The following ZSCAN29 variants were observed in gnomAD, a reference collection of about 807,000 sequenced individuals.
ZSCAN29 encodes zinc finger and SCAN domain containing 29.
Under a neutral mutation model 71.9 loss-of-function variants are expected in ZSCAN29, and 55 were observed. The observed-to-expected ratio is 0.76, with a 90% CI of 0.62 to 0.96. ZSCAN29 has a LOEUF of 0.96. Among genes scored for constraint, ZSCAN29 ranks in the 40% least tolerant of loss-of-function variants. ZSCAN29 has a pLI of 0.00. For synonymous variants in ZSCAN29, 351 were observed against 371.6 expected (o/e 0.94, Z 0.64); for missense variants, 1,042 against 1,042.2 (o/e 1.00, Z 0.00).
In ZSCAN29 at chr15:43,370,937, C is replaced by G. The variant is rs2044100989; in HGVS notation, c.-492G>C. The G allele has an allele frequency of 1.3e-5, 3 of 228,864 alleles. No homozygotes were observed. The South Asian group carries it at 1.7e-4, about 13-fold the overall frequency. The allele number at this position is 228,864 out of a possible 1,614,324, so 14.2% of individuals were successfully genotyped here. On this transcript the variant is annotated 5_prime_UTR_variant, in exon 1 of 6. Transcript: ENST00000684362. The stretch of plus-strand genomic sequence containing the variant: ...GCCCCTCAACCCCCTCGCATCCTTG[C>G]CTCCGGGCCAGCCTCACCCACTCGG...
rs1399054437 is a variant in ZSCAN29, at chr15:43,369,884, A to G, written c.30T>C (p.Asn10=). 1 of 1,609,502 alleles carries G rather than the reference A, an allele frequency of 6.2e-7. No individual in the cohort carries two copies. The highest frequency in any genetic ancestry group is 1.3e-5 in the African/African-American group (1 of 74,922). The change falls in exon 2 of 6, where the codon AAT becomes AAC. Residue 10 remains asparagine, a synonymous_variant. Coordinates refer to ENST00000684362, the MANE Select transcript of ZSCAN29 (RefSeq NM_001372080.1). ...GTCGGAAGGTCTCAGAGTTAGTGCC[A>G]TTCTCTCTTAGAGCTGATTTGGCCA... The part of the protein sequence containing the change: MMAKSALRE[N]GTNSETFRQR...
chr15:43,365,488 G>A (rs1327195150), intron 4 of ZSCAN29, among the ~76,000 whole-genome samples: 1 of 152,198 alleles, frequency 6.6e-6, no homozygotes, highest in Non-Finnish European at 1.5e-5. Context: ...CCAGCTCAGT[G>A]TGGTGGCTCA....
At position 43,358,462 on chromosome 15, in the gene ZSCAN29, C is replaced by T. The variant is rs2043953206; in HGVS notation, c.*2611G>A. 6.6e-6 allele frequency: 1 copy of T among 152,060 alleles called. No homozygotes were observed. The highest frequency in any genetic ancestry group is 2.1e-4 in the South Asian group (1 of 4,818). The allele number at this position is 152,060 out of a possible 1,614,324, so 9.4% of individuals were successfully genotyped here. On this transcript the variant is annotated 3_prime_UTR_variant, in exon 6 of 6. Transcript: ENST00000684362. ...TCTTGTAGCTTCCTGTCTGCTTAGG[C>T]AACATAACAGAAGTACCATCTTCCC...
At position 43,363,964 on chromosome 15, in the gene ZSCAN29, G is replaced by C. The variant is rs151260867; in HGVS notation, c.1641C>G (p.Pro547=). The change falls in exon 5 of 6, where the codon CCC becomes CCG. Residue 547 remains proline (P), a synonymous_variant. Coordinates refer to ENST00000684362, the MANE Select transcript of ZSCAN29 (RefSeq NM_001372080.1). ...SDDDEEDTEI[P]PGAVITRAPV... ...GAGCACGGGTTATGACAGCCCCTGG[G>C]GGTATCTCAGTATCCTCTTCATCAT... is the stretch of plus-strand genomic sequence containing the variant. The C allele has an allele frequency of 1.2e-6, 2 of 1,613,822 alleles. No homozygotes were observed. Among genetic ancestry groups the C allele is most frequent in the Non-Finnish European group, 1.7e-6 (2 of 1,179,892 alleles).
intron 1 of ZSCAN29, 135 bp downstream of exon 1, chr15:43,370,423 G>C (rs1288669962): frequency 6.5e-6 from 1 of 152,860 alleles, no homozygotes; most frequent in Non-Finnish European, 1.5e-5. Context: ...TCCTTCCCGA[G>C]GCCTTCTGCG....
intron 4 of ZSCAN29, among the ~76,000 whole-genome samples, chr15:43,364,925 CAAT>C (rs1454673450): frequency 7.7e-6 from 1 of 130,106 alleles, no homozygotes; most frequent in African/African-American, 2.9e-5. Context: ...AGTGAAAGAA[CAAT>C]GATAATGAAA....
chr15:43,369,245 G>C lies in ZSCAN29; in HGVS notation c.319-118C>G, dbSNP rs2044071149. 4 of 1,061,058 alleles carry C rather than the reference G, an allele frequency of 3.8e-6. No homozygotes were observed. In the African/African-American group the frequency reaches 4.8e-5, roughly 13 times the overall value. The allele number at this position is 1,061,058 out of a possible 1,614,324, so 65.7% of individuals were successfully genotyped here. ...CAGAGCCATGGCCAGGGTTGTAGGGGTGAGGGAGGTTAACGCGAACAAGGG... is the reference window on the plus strand; with the variant it reads ...CAGAGCCATGGCCAGGGTTGTAGGGCTGAGGGAGGTTAACGCGAACAAGGG... On this transcript the variant is annotated intron_variant, in intron 2 of 5. Coordinates refer to ENST00000684362, the MANE Select transcript of ZSCAN29 (RefSeq NM_001372080.1).
chr15:43,362,013 G>GA lies in ZSCAN29; in HGVS notation c.1691-73dup, dbSNP rs563747243. On this transcript the variant is annotated intron_variant, in intron 5 of 5. Coordinates refer to ENST00000684362, the MANE Select transcript of ZSCAN29 (RefSeq NM_001372080.1). The stretch of plus-strand genomic sequence containing the variant: ...TGTGCCACAGGAATGTAAAACTTGG[G>GA]AAAAACAAGCATTACACCACATGAT... The GA allele has an allele frequency of 2.8e-5, 42 of 1,480,868 alleles. No homozygotes were observed. In the Admixed American group the frequency reaches 8.6e-4, roughly 30 times the overall value. The allele number at this position is 1,480,868 out of a possible 1,614,324, so 91.7% of individuals were successfully genotyped here.
chr15:43,370,966 C>G lies in ZSCAN29; in HGVS notation c.-521G>C. ...CGGGCCAGCCTCACCCACTCGGGGTCCGACCCTGACCCCGGCCCCGGCCCC... is the reference window on the plus strand; with the variant it reads ...CGGGCCAGCCTCACCCACTCGGGGTGCGACCCTGACCCCGGCCCCGGCCCC... On this transcript the variant is annotated 5_prime_UTR_variant, in exon 1 of 6. Transcript: ENST00000684362. The G allele has an allele frequency of 3.5e-6, 1 of 285,060 alleles. No homozygotes were observed. Among genetic ancestry groups the G allele is most frequent in the Non-Finnish European group, 6.4e-6 (1 of 155,308 alleles). The allele number at this position is 285,060 out of a possible 1,614,324, so 17.7% of individuals were successfully genotyped here. A position where few individuals can be genotyped will look rare whatever the true frequency, so the allele number is the denominator to read the frequency against.
rs751448544 is a variant in ZSCAN29, at chr15:43,361,320, A to G, written c.2312T>C (p.Phe771Ser). 1 of 1,614,074 alleles carries G rather than the reference A, an allele frequency of 6.2e-7. No homozygotes were observed. Among genetic ancestry groups the G allele is most frequent in the South Asian group, 1.1e-5 (1 of 91,068 alleles). ...TGCACTAAAATGAGAACTGTTATTG[A>G]AGCTTTTTCCACACTCTTCACATTG... ...PYQCEECGKSFNNSSHFSAHR... is the reference protein window; with the variant it reads ...PYQCEECGKSSNNSSHFSAHR... The change falls in exon 6 of 6, where the codon TTC becomes TCC. Residue 771 changes from phenylalanine to serine, a missense_variant. Coordinates refer to ENST00000684362, the MANE Select transcript of ZSCAN29 (RefSeq NM_001372080.1).
Position 43,369,783 on chromosome 15 carries a change from C to CA in ZSCAN29, c.130dup (p.Cys44LeufsTer61). ...GCGCACCTCCGGCCTTAGCCACCGA[C>CA]AGCAAAGTTCCCAGAGTTGGCTGAA... On this transcript the variant is annotated frameshift_variant, in exon 2 of 6. Transcript: ENST00000684362. LOFTEE classifies it high-confidence loss of function. The CA allele has an allele frequency of 6.2e-7, 1 of 1,614,280 alleles. No homozygotes were observed. Among genetic ancestry groups the CA allele is most frequent in the South Asian group, 1.1e-5 (1 of 91,090 alleles).
Position 43,361,496 on chromosome 15 carries a change from T to C in ZSCAN29, c.2136A>G (p.Gly712=). The C allele has an allele frequency of 6.2e-7, 1 of 1,614,096 alleles. No homozygotes were observed. Among genetic ancestry groups the C allele is most frequent in the Non-Finnish European group, 8.5e-7 (1 of 1,179,996 alleles). Residue 712 remains glycine (G), a synonymous_variant, in exon 6 of 6, where the codon GGA becomes GGG. Coordinates refer to ENST00000684362, the MANE Select transcript of ZSCAN29 (RefSeq NM_001372080.1). The part of the protein sequence containing the change: ...GEKPYKCLDC[G]KSFRDSSNFI... The stretch of plus-strand genomic sequence containing the variant: ...AATTTGAACTGTCACGGAAACTTTT[T>C]CCACAGTCAAGACATTTATAAGGTT...
Position 43,370,969 on chromosome 15 carries a change from A to ACCCCGGCCCCGGCCCCGG in ZSCAN29, c.-525_-524insCCGGGGCCGGGGCCGGGG, listed in dbSNP as rs1395443045. The ACCCCGGCCCCGGCCCCGG allele has an allele frequency of 6.5e-6, 1 of 153,778 alleles. No individual in the cohort carries two copies. The highest frequency in any genetic ancestry group is 9.8e-5 in the Admixed American group (1 of 10,172). The allele number at this position is 153,778 out of a possible 1,614,324, so 9.5% of individuals were successfully genotyped here. A position where few individuals can be genotyped will look rare whatever the true frequency, so the allele number is the denominator to read the frequency against. ...GCCAGCCTCACCCACTCGGGGTCCG[A>ACCCCGGCCCCGGCCCCGG]CCCTGACCCCGGCCCCGGCCCCGGC... On this transcript the variant is annotated 5_prime_UTR_variant, in exon 1 of 6. Coordinates refer to ENST00000684362, the MANE Select transcript of ZSCAN29 (RefSeq NM_001372080.1).
rs527706165 is a variant in ZSCAN29, at chr15:43,361,280, G to A, written c.2352C>T (p.His784=). The A allele has an allele frequency of 1.7e-5, 27 of 1,614,202 alleles. No homozygotes were observed. The highest frequency in any genetic ancestry group is 6.7e-5 in the Admixed American group (4 of 60,022). Residue 784 remains histidine (H), a synonymous_variant, in exon 6 of 6, where the codon CAC becomes CAT. Transcript: ENST00000684362. ...GACACACATGGGGTCTCTCTCCTGT[G>A]TGTATCCTCCGATGTGCACTAAAAT... is the stretch of plus-strand genomic sequence containing the variant. ...SSHFSAHRRI[H]TGERPHVCPD...
rs1464699751 is a variant in ZSCAN29 at position 43,361,545 on chromosome 15, T to G, written c.2087A>C (p.His696Pro). 1 of 1,613,958 alleles carries G rather than the reference T, an allele frequency of 6.2e-7. No homozygotes were observed. Among genetic ancestry groups the G allele is most frequent in the Non-Finnish European group, 8.5e-7 (1 of 1,180,012 alleles). The change falls in exon 6 of 6, where the codon CAC (histidine) becomes CCC (proline). Residue 696 changes from histidine (H) to proline (P), a missense_variant. By Grantham distance (77) the His-to-Pro change is moderately conservative (BLOSUM62 -2). Coordinates refer to ENST00000684362, the MANE Select transcript of ZSCAN29 (RefSeq NM_001372080.1). ...SFSRSARLIR[H>P]RRIHTGEKPY... Reference sequence around the variant, plus strand: ...TTTCTCTCCAGTGTGGATTCTCCGGTGTCTAATGAGTCGTGCACTCCGACT... The same window carrying G: ...TTTCTCTCCAGTGTGGATTCTCCGGGGTCTAATGAGTCGTGCACTCCGACT...
chr15:43,369,272 C>CT (rs2142739015), intron 2 of ZSCAN29, 145 bp from the exon 3 acceptor site: 1 of 761,098 alleles, frequency 1.3e-6, no homozygotes, highest in East Asian at 2.9e-5. Flanking sequence ...GAACAAGGGT[C>CT]TTATTCCATT....
Position 43,360,436 on chromosome 15 carries a change from G to C in ZSCAN29, c.*637C>G, listed in dbSNP as rs2043967466. On this transcript the variant is annotated 3_prime_UTR_variant, in exon 6 of 6. Transcript: ENST00000684362. ...AGATCACCTGAGGTCGGGAGTTTGA[G>C]ACCAGCCTGCCCAACATGGAGAAAC... The C allele has an allele frequency of 1.3e-5, 2 of 150,984 alleles. No homozygotes were observed. Among genetic ancestry groups the C allele is most frequent in the African/African-American group, 4.9e-5 (2 of 40,912 alleles). 9.4% of individuals were successfully genotyped at this position (150,984 alleles called of 1,614,324 possible). A position where few individuals can be genotyped will look rare whatever the true frequency, so the allele number is the denominator to read the frequency against.
chr15:43,370,975 A>ACCCCGGCGCCGG lies in ZSCAN29; in HGVS notation c.-531_-530insCCGGCGCCGGGG, dbSNP rs2044102921. 1 of 257,976 alleles carries ACCCCGGCGCCGG rather than the reference A, an allele frequency of 3.9e-6. No homozygotes were observed. Among genetic ancestry groups the ACCCCGGCGCCGG allele is most frequent in the Non-Finnish European group, 7.8e-6 (1 of 128,860 alleles). 16.0% of individuals were successfully genotyped at this position (257,976 alleles called of 1,614,324 possible). A position where few individuals can be genotyped will look rare whatever the true frequency, so the allele number is the denominator to read the frequency against. ...CTCACCCACTCGGGGTCCGACCCTG[A>ACCCCGGCGCCGG]CCCCGGCCCCGGCCCCGGCCCCGGC... On this transcript the variant is annotated 5_prime_UTR_variant, in exon 1 of 6. Coordinates refer to ENST00000684362, the MANE Select transcript of ZSCAN29 (RefSeq NM_001372080.1).
At position 43,364,297 on chromosome 15, in the gene ZSCAN29, G is replaced by T. The variant is rs758116202; in HGVS notation, c.1308C>A (p.His436Gln). The T allele has an allele frequency of 5.0e-6, 8 of 1,614,178 alleles. No individual in the cohort carries two copies. The highest frequency in any genetic ancestry group is 6.8e-6 in the Non-Finnish European group (8 of 1,180,034). Residue 436 changes from histidine to glutamine, a missense_variant, in exon 5 of 6, where the codon CAC (histidine) becomes CAA (glutamine). Transcript: ENST00000684362. ...TQFYEALRNC[H>Q]RNSQLYGAVA... ...CTGCTCCATACAGCTGGCTGTTGCG[G>T]TGACAGTTCCGGAGGGCTTCATAAA...
Sources: gnomAD v4.1 joint callset for allele counts (sites outside exome capture counted in the v4.1 genomes callset) on GRCh38, gnomAD v4.1.1 for gene constraint, MANE v1.5 for transcripts, NCBI Gene and HGNC (gene_info 2026-07-23, HGNC 2026-07-21) for gene names.